Variants in GALNT17 observed in about 807,000 individuals in gnomAD.
GALNT17 encodes the protein polypeptide N-acetylgalactosaminyltransferase 17, also known as UDP-GalNAc:polypeptide N-acetylgalactosaminyltransferase-like 3.
GALNT17 carries 29 observed loss-of-function variants against 63.7 expected under a neutral mutation model. That is an observed-to-expected ratio of 0.46 (90% CI 0.34 to 0.62). The LOEUF (loss-of-function observed/expected upper bound fraction) is 0.62, where lower values mean the gene tolerates loss of function less well. GALNT17 is among the 20% of genes least tolerant of loss of function. The probability of loss-of-function intolerance (pLI) is 0.01; values close to 1 mark genes in which losing one functional copy is unlikely to be tolerated. For synonymous variants in GALNT17, 305 were observed against 318.3 expected (o/e 0.96, Z 0.45); for missense variants, 603 against 799.6 (o/e 0.75, Z 2.97).
intron 6 of GALNT17, among the ~76,000 whole-genome samples, chr7:71,640,888 A>C (rs892845113): frequency 1.3e-5 from 2 of 151,950 alleles, no homozygotes; most frequent in Non-Finnish European, 2.9e-5. Context: ...CCGAGAAGGG[A>C]TCCACAGTTT....
chr7:71,509,887 T>C (rs1327220624), intron 5 of GALNT17, among the ~76,000 whole-genome samples: 1 of 152,208 alleles, frequency 6.6e-6, no homozygotes, highest in Admixed American at 6.5e-5. Flanking sequence ...CTTTTGTTTT[T>C]CTTAATTAGC....
intron 6 of GALNT17, among the ~76,000 whole-genome samples, chr7:71,590,594 CTTG>C (rs1789783136): frequency 6.6e-6 from 1 of 152,202 alleles, no homozygotes; most frequent in South Asian, 2.1e-4. Flanking sequence ...TCCTGATGTG[CTTG>C]TTGTCATTTT....
chr7:71,323,465 C>A (rs1164871654), intron 1 of GALNT17, among the ~76,000 whole-genome samples: 5 of 152,160 alleles, frequency 3.3e-5, no homozygotes, highest in Non-Finnish European at 5.9e-5. Flanking sequence ...TCTCTTCCAC[C>A]AAGCAGCAGC....
At chr7:71,494,909 A>G (rs1788070056) in intron 5 of GALNT17, among the ~76,000 whole-genome samples, 1 of 151,562 alleles carries the variant, frequency 6.6e-6, no homozygotes, top group South Asian at 2.1e-4. Context: ...AGACTTACTC[A>G]CTACCACAAG....
rs550302040 is a variant in GALNT17, at chr7:71,599,886, G to A, written c.1080+28484G>A. Among the ~76,000 whole-genome samples, 6 of 152,024 alleles carry A rather than the reference G, an allele frequency of 3.9e-5. No homozygotes were observed. The East Asian group carries it at 1.2e-3, about 30-fold the overall frequency. On this transcript the variant is annotated intron_variant, in intron 6 of 10. Transcript: ENST00000333538. ...GGGCTAGGTAATGTCTTATTGTGGGGTAGAGGGTATCCTGTGTGTTGTAGG... is the reference window on the plus strand; with the variant it reads ...GGGCTAGGTAATGTCTTATTGTGGGATAGAGGGTATCCTGTGTGTTGTAGG...
intron 1 of GALNT17, among the ~76,000 whole-genome samples, chr7:71,183,078 C>A (rs902081247): frequency 1.3e-5 from 2 of 152,074 alleles, no homozygotes; most frequent in Admixed American, 1.3e-4. Context: ...ATTTCATGAC[C>A]CAGATGTGCA....
intron 1 of GALNT17, among the ~76,000 whole-genome samples, chr7:71,165,578 T>G (rs564385347): frequency 1.3e-5 from 2 of 152,168 alleles, no homozygotes; most frequent in Non-Finnish European, 2.9e-5. Flanking sequence ...TCTGCCCCCA[T>G]GATTCAGTTA....
chr7:71,690,085 C>T (rs1368048294), intron 9 of GALNT17, among the ~76,000 whole-genome samples: 8 of 148,810 alleles, frequency 5.4e-5, no homozygotes, highest in Non-Finnish European at 1.2e-4. Flanking sequence ...AGTGCAGTGG[C>T]GCAATCTCGG....
rs10243845 is a variant in GALNT17 at position 71,158,935 on chromosome 7, T to A, written c.238+25895T>A. Among the ~76,000 whole-genome samples the A allele has an allele frequency of 1.3e-3, 203 of 152,020 alleles. 3 individuals are homozygous for A. The highest frequency in any genetic ancestry group is 4.6e-3 in the African/African-American group (189 of 41,290). On this transcript the variant is annotated intron_variant, in intron 1 of 10. Coordinates refer to ENST00000333538, the MANE Select transcript of GALNT17 (RefSeq NM_022479.3). Reference sequence around the variant, plus strand: ...TTTGGTAAACTGGATTCTAGATGAATATGTTTCATTCTGTTTGCTGGTAGT... The same window carrying A: ...TTTGGTAAACTGGATTCTAGATGAAAATGTTTCATTCTGTTTGCTGGTAGT...
At chr7:71,303,956 C>A (rs1791244561) in intron 1 of GALNT17, among the ~76,000 whole-genome samples, 1 of 152,170 alleles carries the variant, frequency 6.6e-6, no homozygotes, top group African/African-American at 2.4e-5. Flanking sequence ...AGACTGCAAA[C>A]AATCGGCTTT....
intron 2 of GALNT17, among the ~76,000 whole-genome samples, chr7:71,374,381 G>T (rs1212009037): frequency 1.3e-5 from 2 of 152,222 alleles, no homozygotes; most frequent in East Asian, 1.9e-4. Context: ...AGCCAGAACG[G>T]CTGGGCTCAC....
intron 5 of GALNT17, among the ~76,000 whole-genome samples, chr7:71,551,122 C>A (rs1471254820): frequency 6.6e-6 from 1 of 152,062 alleles, no homozygotes; most frequent in Non-Finnish European, 1.5e-5. Flanking sequence ...ATTTATGTTG[C>A]CTACCCTCTT....
intron 6 of GALNT17, among the ~76,000 whole-genome samples, chr7:71,591,457 G>C (rs1428177110): frequency 2.0e-5 from 3 of 152,176 alleles, no homozygotes; most frequent in South Asian, 2.1e-4. Flanking sequence ...GTCTGTGAAA[G>C]AGCCATAGGG....
chr7:71,572,383 T>C (rs1207346510), intron 6 of GALNT17, among the ~76,000 whole-genome samples: 1 of 150,954 alleles, frequency 6.6e-6, no homozygotes, highest in East Asian at 2.0e-4. Context: ...GAACCTGTAG[T>C]CCCAGCTACT....
chr7:71,333,359 A>T (rs764862039), intron 1 of GALNT17, among the ~76,000 whole-genome samples: 13 of 152,124 alleles, frequency 8.5e-5, no homozygotes, highest in Non-Finnish European at 1.5e-4. Flanking sequence ...CCAATATTCC[A>T]TTGGTCTGGA....
intron 8 of GALNT17, among the ~76,000 whole-genome samples, chr7:71,672,754 T>C (rs1043714169): frequency 8.5e-5 from 13 of 152,180 alleles, no homozygotes; most frequent in Non-Finnish European, 1.9e-4. Context: ...TTTTGCCATG[T>C]TGGCCAGGCT....
intron 1 of GALNT17, among the ~76,000 whole-genome samples, chr7:71,283,840 A>G (rs1406355103): frequency 6.6e-6 from 1 of 152,070 alleles, no homozygotes; most frequent in African/African-American, 2.4e-5. Context: ...GACTTGGAGA[A>G]CTTTTCTGTC....
intron 1 of GALNT17, among the ~76,000 whole-genome samples, chr7:71,177,032 G>C (rs556034959): frequency 6.6e-6 from 1 of 152,182 alleles, no homozygotes; most frequent in Non-Finnish European, 1.5e-5. Context: ...AGCAGGGGCA[G>C]ATGTAATATG....
intron 1 of GALNT17, among the ~76,000 whole-genome samples, chr7:71,211,788 GC>G (rs1357016945): frequency 6.6e-6 from 1 of 152,116 alleles, no homozygotes; most frequent in African/African-American, 2.4e-5. Context: ...GCAACATTTT[GC>G]CCCTGCCCTC....
Sources: allele counts gnomAD v4.1 joint callset (sites outside exome capture counted in the v4.1 genomes callset), GRCh38; gene constraint gnomAD v4.1.1; transcripts MANE v1.5; gene names NCBI Gene and HGNC (gene_info 2026-07-23, HGNC 2026-07-21).